The following RARB variants were observed in gnomAD, a reference collection of about 807,000 sequenced individuals.
The protein encoded by RARB is retinoic acid receptor beta.
Under a neutral mutation model 51.9 loss-of-function variants are expected in RARB, and 17 were observed. The ratio of observed to expected loss-of-function variants is 0.33; its 90% CI spans 0.22 to 0.49. The LOEUF (loss-of-function observed/expected upper bound fraction) is 0.49, where lower values mean the gene tolerates loss of function less well. RARB is among the 20% of genes least tolerant of loss of function. The pLI is 0.99. For missense variants in RARB, 369 were observed against 550.8 expected (o/e 0.67, Z 3.30); for synonymous variants, 215 against 195.4 (o/e 1.10, Z -0.84).
chr3:25,114,833 T>C (rs1226580079), intron 3 of RARB, among the ~76,000 whole-genome samples: 1 of 152,158 alleles, frequency 6.6e-6, no homozygotes, highest in Non-Finnish European at 1.5e-5. Context: ...CTTTAAAAAT[T>C]ACTGCACTAT....
chr3:25,447,616 CTCTCCAAT>C (rs1709006263), intron 1 of RARB, among the ~76,000 whole-genome samples: 1 of 152,138 alleles, frequency 6.6e-6, no homozygotes, highest in South Asian at 2.1e-4. Context: ...CAATTGAAGG[CTCTCCAAT>C]GAGAGATCGC....
chr3:25,049,479 G>T (rs1284957346), intron 2 of RARB, among the ~76,000 whole-genome samples: 1 of 152,122 alleles, frequency 6.6e-6, no homozygotes, highest in Non-Finnish European at 1.5e-5. Flanking sequence ...TCTTTTTCCA[G>T]TTGAGGTCCT....
chr3:25,546,335 C>T (rs1440363879), intron 3 of RARB, among the ~76,000 whole-genome samples: 3 of 152,160 alleles, frequency 2.0e-5, no homozygotes, highest in Admixed American at 1.3e-4. Context: ...CAGGTGTCTG[C>T]TCCGTCGAGC....
intron 3 of RARB, among the ~76,000 whole-genome samples, chr3:25,125,358 G>C (rs1185929876): frequency 6.6e-6 from 1 of 152,122 alleles, no homozygotes; most frequent in East Asian, 1.9e-4. Context: ...GTATTTATTG[G>C]AGAGCAAATC....
At chr3:24,986,304 G>T (rs1405389658) in intron 2 of RARB, among the ~76,000 whole-genome samples, 4 of 152,234 alleles carry the variant, frequency 2.6e-5, no homozygotes, top group Non-Finnish European at 5.9e-5. Context: ...GTTATTATAT[G>T]TGTATAAGTA....
intron 2 of RARB, among the ~76,000 whole-genome samples, chr3:25,040,676 C>T (rs951727390): frequency 6.6e-6 from 1 of 152,166 alleles, no homozygotes; most frequent in Non-Finnish European, 1.5e-5. Context: ...TTGCTTGAAC[C>T]TGGGAGGCGG....
rs529972858 is a variant in RARB, at chr3:25,465,482, C to T, written c.306+4141C>T. Among the ~76,000 whole-genome samples the T allele has an allele frequency of 2.6e-5, 4 of 152,336 alleles. No homozygotes were observed. The South Asian group carries it at 8.3e-4, about 32-fold the overall frequency. ...CAAGAAGTAATGCCTACGGTGGCTTCTGCCTGTCATAACCAGGATGACCTA... is the reference window on the plus strand; with the variant it reads ...CAAGAAGTAATGCCTACGGTGGCTTTTGCCTGTCATAACCAGGATGACCTA... On this transcript the variant is annotated intron_variant, in intron 2 of 7. Transcript: ENST00000330688.
chr3:25,432,803 T>C (rs1708261869), intron 1 of RARB, among the ~76,000 whole-genome samples: 1 of 152,190 alleles, frequency 6.6e-6, no homozygotes, highest in African/African-American at 2.4e-5. Flanking sequence ...GAATTTATAA[T>C]TTTTTAAATC....
At chr3:25,299,707 GAGA>G (rs764854522) in intron 5 of RARB, among the ~76,000 whole-genome samples, 12 of 152,016 alleles carry the variant, frequency 7.9e-5, no homozygotes, top group Non-Finnish European at 1.3e-4. Flanking sequence ...ACATTATTCT[GAGA>G]AGAAGTTTAC....
chr3:25,204,189 C>A (rs1461965541), intron 5 of RARB, among the ~76,000 whole-genome samples: 1 of 152,164 alleles, frequency 6.6e-6, no homozygotes, highest in East Asian at 1.9e-4. Context: ...GATCTTCAAT[C>A]ATTGATACCC....
chr3:25,427,052 A>C (rs374980928), upstream of RARB, among the ~76,000 whole-genome samples: 8 of 152,350 alleles, frequency 5.3e-5, no homozygotes, highest in East Asian at 1.3e-3. Flanking sequence ...AGTTTACAAA[A>C]TATGCGTTTA....
At chr3:25,075,849 C>T (rs1057031183) in intron 3 of RARB, among the ~76,000 whole-genome samples, 7 of 152,272 alleles carry the variant, frequency 4.6e-5, no homozygotes, top group African/African-American at 1.2e-4. Context: ...TTAGGCTTAT[C>T]AACTGACCGA....
chr3:25,316,952 C>G (rs1424690245), intron 5 of RARB, among the ~76,000 whole-genome samples: 3 of 152,088 alleles, frequency 2.0e-5, no homozygotes, highest in Non-Finnish European at 4.4e-5. Flanking sequence ...ATTATTCACC[C>G]CAGGTCATTT....
chr3:24,963,375 C>A (rs1177517393), intron 2 of RARB, among the ~76,000 whole-genome samples: 1 of 149,698 alleles, frequency 6.7e-6, no homozygotes, highest in Non-Finnish European at 1.5e-5. Context: ...CCTTGGTCAG[C>A]TGTGCTATAG....
intron 3 of RARB, among the ~76,000 whole-genome samples, chr3:25,127,239 A>T (rs1034563336): frequency 6.6e-6 from 1 of 152,074 alleles, no homozygotes; most frequent in Non-Finnish European, 1.5e-5. Context: ...CATACAAGAG[A>T]TACCTGATCT....
intron 5 of RARB, among the ~76,000 whole-genome samples, chr3:25,202,917 T>A (rs1411804981): frequency 2.0e-5 from 3 of 152,282 alleles, no homozygotes; most frequent in Non-Finnish European, 4.4e-5. Context: ...TTTTGTTGAT[T>A]TGGGGTGGAG....
chr3:24,880,856 AAT>A, intron 2 of RARB, among the ~76,000 whole-genome samples: 1 of 152,310 alleles, frequency 6.6e-6, no homozygotes, highest in East Asian at 1.9e-4. Context: ...ACTTATGTTA[AAT>A]ATGTTTAATT....
chr3:24,992,247 ATATT>A (rs748005344), intron 2 of RARB, among the ~76,000 whole-genome samples: 1 of 152,304 alleles, frequency 6.6e-6, no homozygotes, highest in Non-Finnish European at 1.5e-5. Context: ...ATTTTTAAAA[ATATT>A]TAGGGTATTT....
intron 4 of RARB, among the ~76,000 whole-genome samples, chr3:25,136,465 A>G (rs1230828128): frequency 2.0e-5 from 3 of 152,000 alleles, no homozygotes; most frequent in Non-Finnish European, 4.4e-5. Context: ...TAAGACATCT[A>G]TTTTATGTTT....
Sources: allele counts gnomAD v4.1 joint callset (sites outside exome capture counted in the v4.1 genomes callset), GRCh38; gene constraint gnomAD v4.1.1; transcripts MANE v1.5; gene names NCBI Gene and HGNC (gene_info 2026-07-23, HGNC 2026-07-21).